The following CFAP74 variants were observed in gnomAD, a reference collection of about 807,000 sequenced individuals.
CFAP74 encodes the protein cilia and flagella associated protein 74, also known as cilia- and flagella-associated protein 74.
Under a neutral mutation model 188.9 loss-of-function variants are expected in CFAP74, and 124 were observed. That is an observed-to-expected ratio of 0.66 (90% confidence interval 0.57 to 0.76). The LOEUF is 0.76. Among genes scored for constraint, CFAP74 ranks in the 30% least tolerant of loss-of-function variants. CFAP74 has a pLI of 0.00. For missense variants in CFAP74, 2,198 were observed against 2,165.2 expected (o/e 1.02, Z -0.30); for synonymous variants, 956 against 916.7 (o/e 1.04, Z -0.77).
chr1:1,922,237 G>A lies in CFAP74; in HGVS notation c.*50C>T, dbSNP rs1489569884. On this transcript the variant is annotated 3_prime_UTR_variant, in exon 39 of 39. Coordinates refer to ENST00000682832, the MANE Select transcript of CFAP74 (RefSeq NM_001304360.2). ...AGTATGACCTGGCCCTCAGCCTGGG[G>A]AGGGCTTTGAGGGTGGACAGGAGGG... 7.1e-7 allele frequency: 1 copy of A among 1,406,486 alleles called. No individual in the cohort carries two copies. The highest frequency in any genetic ancestry group is 1.4e-5 in the African/African-American group (1 of 70,442). 87.1% of individuals were successfully genotyped at this position (1,406,486 alleles called of 1,614,324 possible). A position where few individuals can be genotyped will look rare whatever the true frequency, so the allele number is the denominator to read the frequency against.
intron 8 of CFAP74, 116 bp from the exon 9 acceptor site, chr1:1,972,198 A>G: frequency 1.3e-6 from 1 of 751,598 alleles, no homozygotes; most frequent in Non-Finnish European, 2.3e-6. Flanking sequence ...CTCCTGTCTC[A>G]GCCTCCCAAA....
rs2102104498 is a variant in CFAP74, at chr1:1,987,856, A to C, written c.296+656T>G. ...CGCCCGGCCATGACGGTCACTTGGA[A>C]AACACACGGGCGCTGCCGGAGCCGA... On this transcript the variant is annotated intron_variant, in intron 4 of 38. Transcript: ENST00000682832. The C allele has an allele frequency of 5.9e-6, 2 of 336,710 alleles. 1 individual carries two copies. Among genetic ancestry groups the C allele is most frequent in the South Asian group, 4.6e-5 (2 of 43,372 alleles). The allele number at this position is 336,710 out of a possible 1,614,324, so 20.9% of individuals were successfully genotyped here.
At chr1:1,971,127 G>A (rs7367879) in intron 9 of CFAP74, among the ~76,000 whole-genome samples, 34,584 of 141,168 alleles carry the variant, frequency 0.24, 4,403 homozygotes, top group Non-Finnish European at 0.3. Context: ...ATGCTCACAC[G>A]TGCACACACA....
chr1:1,985,592 G>C, intron 5 of CFAP74, 102 bp from the exon 6 acceptor site: 1 of 930,988 alleles, frequency 1.1e-6, no homozygotes, highest in African/African-American at 1.6e-5. Context: ...GCTCAGGAGG[G>C]AAATCTCGGC....
rs911334065 is a variant in CFAP74, at chr1:1,975,796, T to C, written c.501-1598A>G. 3.3e-5 allele frequency among the ~76,000 whole-genome samples: 5 copies of C among 152,082 alleles called. No homozygotes were observed. The highest frequency in any genetic ancestry group is 7.4e-5 in the Non-Finnish European group (5 of 68,006). ...TCAATTCTGGAAAACGCTCAGTCAT[T>C]GTTCTGCTGGCTGTCACTTCCCCTG... is the stretch of plus-strand genomic sequence containing the variant. On this transcript the variant is annotated intron_variant, in intron 6 of 38. Transcript: ENST00000682832. The surrounding 1 kb of genome is among the most constrained non-coding windows in gnomAD (Gnocchi z 4.5).
chr1:1,944,179 C>T (rs1029242680), intron 21 of CFAP74, among the ~76,000 whole-genome samples, 152 bp downstream of exon 21: 2 of 152,130 alleles, frequency 1.3e-5, no homozygotes, highest in Admixed American at 1.3e-4. Context: ...GGGGGCTCAC[C>T]GCGTGTGCAC....
chr1:1,960,134 C>T (rs1396275297), intron 14 of CFAP74, 104 bp from the exon 15 acceptor site: 1 of 967,046 alleles, frequency 1.0e-6, no homozygotes, highest in Non-Finnish European at 1.6e-6. Flanking sequence ...GCCTCCTCCC[C>T]ATCCCGGGCC....
chr1:1,949,533 A>G (rs149209212), intron 18 of CFAP74, among the ~76,000 whole-genome samples: 174 of 129,024 alleles, frequency 1.3e-3, no homozygotes, highest in African/African-American at 4.9e-3. Context: ...AGTTGCATAT[A>G]GTAAAATGGA....
chr1:1,969,128 C>G (rs937331507), intron 10 of CFAP74, among the ~76,000 whole-genome samples: 1 of 151,968 alleles, frequency 6.6e-6, no homozygotes, highest in Middle Eastern at 3.2e-3. Context: ...AACCCCAGCC[C>G]TGCCCTGCCC....
At chr1:1,984,407 C>T (rs2102099894) in intron 6 of CFAP74, 1 of 151,916 alleles carries the variant, frequency 6.6e-6, no homozygotes, top group South Asian at 2.1e-4. Flanking sequence ...GGCGCAGGTG[C>T]TGCTGAGCAG....
At chr1:1,944,548 T>G in intron 20 of CFAP74, 96 bp from the exon 21 acceptor site, 2 of 1,295,988 alleles carry the variant, frequency 1.5e-6, no homozygotes, top group Non-Finnish European at 2.1e-6. Flanking sequence ...GAACGTTTCA[T>G]GGGCTTGAGT....
intron 18 of CFAP74, chr1:1,955,470 G>A (rs763829373): frequency 4.5e-6 from 7 of 1,571,836 alleles, no homozygotes; most frequent in Non-Finnish European, 6.1e-6. Flanking sequence ...GTGCCTTCAA[G>A]TCTTCGGTTA....
chr1:1,941,591 C>T (rs1338789140), intron 22 of CFAP74, among the ~76,000 whole-genome samples: 1 of 152,120 alleles, frequency 6.6e-6, no homozygotes, highest in Non-Finnish European at 1.5e-5. Flanking sequence ...CAGGGAGTTA[C>T]TGGGAAAGGG....
At chr1:1,993,707 G>A (rs186175621) in intron 1 of CFAP74, among the ~76,000 whole-genome samples, 24 of 151,910 alleles carry the variant, frequency 1.6e-4, no homozygotes, top group South Asian at 4.2e-4. Flanking sequence ...AATCAGCAGG[G>A]CACAGTGGCT....
At position 1,927,214 on chromosome 1, in the gene CFAP74, T is replaced by C. The variant is rs1317728907; in HGVS notation, c.3528-186A>G. 4 of 670,972 alleles carry C rather than the reference T, an allele frequency of 6.0e-6. No individual in the cohort carries two copies. In the African/African-American group the frequency reaches 7.3e-5, roughly 12 times the overall value. The allele number at this position is 670,972 out of a possible 1,614,324, so 41.6% of individuals were successfully genotyped here. A position where few individuals can be genotyped will look rare whatever the true frequency, so the allele number is the denominator to read the frequency against. On this transcript the variant is annotated intron_variant, in intron 28 of 38. Coordinates refer to ENST00000682832, the MANE Select transcript of CFAP74 (RefSeq NM_001304360.2). ...CTCCTGTGGGGGTCTCATCACTCAC[T>C]TCAGGTCCTCGTCAGCTGGTGGCTG... is the stretch of plus-strand genomic sequence containing the variant.
At chr1:1,986,514 G>T (rs997474705) in intron 5 of CFAP74, among the ~76,000 whole-genome samples, 1 of 152,206 alleles carries the variant, frequency 6.6e-6, no homozygotes, top group African/African-American at 2.4e-5. Flanking sequence ...AGGGTGAGGC[G>T]AGGCCAGAGC....
In CFAP74 at chr1:1,921,962, G is replaced by A; in HGVS notation, c.*325C>T. The A allele has an allele frequency of 3.0e-6, 1 of 330,404 alleles. No individual in the cohort carries two copies. Among genetic ancestry groups the A allele is most frequent in the Non-Finnish European group, 5.6e-6 (1 of 177,232 alleles). The allele number at this position is 330,404 out of a possible 1,614,324, so 20.5% of individuals were successfully genotyped here. On this transcript the variant is annotated 3_prime_UTR_variant, in exon 39 of 39. Coordinates refer to ENST00000682832, the MANE Select transcript of CFAP74 (RefSeq NM_001304360.2). ...CCCACACTGCAGGCTGCATGTGTTG[G>A]CCTACAAAAAATTTATTGACAGGCT...
At chr1:2,000,037 G>A (rs371506449) in intron 1 of CFAP74, among the ~76,000 whole-genome samples, 55 of 152,140 alleles carry the variant, frequency 3.6e-4, no homozygotes, top group African/African-American at 1.2e-3. Context: ...TGGTGCAGGC[G>A]CCTGGAGTCC....
intron 1 of CFAP74, among the ~76,000 whole-genome samples, chr1:1,992,016 G>T (rs1004204973): frequency 6.7e-5 from 10 of 149,430 alleles, no homozygotes; most frequent in African/African-American, 2.5e-4. Flanking sequence ...CTCCAGCCTG[G>T]GTGACAGAGC....
Sources: gnomAD v4.1 joint callset for allele counts (sites outside exome capture counted in the v4.1 genomes callset) on GRCh38, gnomAD v4.1.1 for gene constraint, Gnocchi (gnomAD v3.1) non-coding constraint, MANE v1.5 for transcripts, NCBI Gene and HGNC (gene_info 2026-07-23, HGNC 2026-07-21) for gene names.